The following SBF2 variants were observed in gnomAD, a reference collection of about 807,000 sequenced individuals.
SBF2 encodes myotubularin-related protein 13.
A neutral mutation model predicts 225.2 loss-of-function variants in SBF2; 112 were observed. That is an observed-to-expected ratio of 0.50 (90% CI 0.43 to 0.58). The LOEUF (loss-of-function observed/expected upper bound fraction) is 0.58, where lower values mean the gene tolerates loss of function less well. Ranked by LOEUF, SBF2 falls within the 20% of genes least tolerant of loss-of-function variation. The pLI is 0.00. For synonymous variants in SBF2, 763 were observed against 773.3 expected (o/e 0.99, Z 0.22); for missense variants, 1,996 against 2,206.2 (o/e 0.90, Z 1.91).
At chr11:9,837,681 T>C (rs1208078310) in intron 26 of SBF2, among the ~76,000 whole-genome samples, 1 of 152,212 alleles carries the variant, frequency 6.6e-6, no homozygotes, top group Non-Finnish European at 1.5e-5. Flanking sequence ...ATTTTTTCTA[T>C]CCTTTTACTT....
chr11:9,793,988 G>GC (rs1852925712), intron 33 of SBF2, among the ~76,000 whole-genome samples: 1 of 152,122 alleles, frequency 6.6e-6, no homozygotes, highest in Admixed American at 6.5e-5. Flanking sequence ...CAAAAACTTA[G>GC]CCTGGGCAAG....
chr11:9,967,016 A>C (rs1866956745), intron 14 of SBF2, among the ~76,000 whole-genome samples: 1 of 152,200 alleles, frequency 6.6e-6, no homozygotes, highest in Non-Finnish European at 1.5e-5. Flanking sequence ...AATATCCATC[A>C]ATTGATGGAT....
At chr11:9,873,964 G>A (rs1308884631) in intron 17 of SBF2, among the ~76,000 whole-genome samples, 5 of 151,992 alleles carry the variant, frequency 3.3e-5, no homozygotes, top group South Asian at 2.1e-4. Context: ...CAAGAGAATC[G>A]CTTGAACCCG....
At chr11:9,828,682 G>A in intron 28 of SBF2, 3 of 969,376 alleles carry the variant, frequency 3.1e-6, no homozygotes, top group Non-Finnish European at 3.7e-6. Flanking sequence ...CAAATCCAGT[G>A]AAAACAAATT....
intron 10 of SBF2, 22 bp from the exon 11 acceptor site, chr11:9,993,125 T>C (rs1408182502): frequency 6.5e-7 from 1 of 1,542,982 alleles, no homozygotes; most frequent in African/African-American, 1.4e-5. Flanking sequence ...AGAAGAAATG[T>C]TAGGTAATTT....
At chr11:10,182,793 G>T (rs552615829) in intron 2 of SBF2, among the ~76,000 whole-genome samples, 145 of 147,970 alleles carry the variant, frequency 9.8e-4, no homozygotes, top group Non-Finnish European at 1.6e-3. Flanking sequence ...TTTTTTTTTT[G>T]AGACGGAGTC....
intron 2 of SBF2, among the ~76,000 whole-genome samples, chr11:10,116,662 T>A (rs1953157761): frequency 6.6e-6 from 1 of 152,198 alleles, no homozygotes; most frequent in Non-Finnish European, 1.5e-5. Context: ...ATTGTCTTTT[T>A]TTTTTCCTCC....
intron 35 of SBF2, 47 bp from the exon 36 acceptor site, chr11:9,787,785 G>C: frequency 6.6e-7 from 1 of 1,525,792 alleles, no homozygotes. Context: ...ATAGAAATCA[G>C]GATGGGCCCC....
At chr11:9,941,953 T>G (rs1865275933) in intron 16 of SBF2, among the ~76,000 whole-genome samples, 1 of 152,178 alleles carries the variant, frequency 6.6e-6, no homozygotes, top group African/African-American at 2.4e-5. Context: ...TTTCTATATA[T>G]TTTAAAAAAA....
intron 34 of SBF2, among the ~76,000 whole-genome samples, chr11:9,789,915 T>A (rs1852631949): frequency 6.6e-6 from 1 of 152,234 alleles, no homozygotes; most frequent in African/African-American, 2.4e-5. Flanking sequence ...AGGAGGGGCA[T>A]CTAAGCATGT....
intron 16 of SBF2, among the ~76,000 whole-genome samples, chr11:9,928,523 T>C (rs1002272758): frequency 6.6e-6 from 1 of 152,216 alleles, no homozygotes; most frequent in Non-Finnish European, 1.5e-5. Flanking sequence ...ATAGAGCTGC[T>C]TGAAACACAG....
chr11:10,028,077 T>C (rs970282438), intron 6 of SBF2, among the ~76,000 whole-genome samples: 39 of 152,090 alleles, frequency 2.6e-4, no homozygotes, highest in Non-Finnish European at 4.4e-5. Context: ...GCCCAGCTAA[T>C]GTTTTAAAAT....
intron 6 of SBF2, among the ~76,000 whole-genome samples, chr11:10,019,704 A>G (rs1660464462): frequency 6.6e-6 from 1 of 152,156 alleles, no homozygotes; most frequent in South Asian, 2.1e-4. Flanking sequence ...AGTGAGAATA[A>G]GATTAAAACA....
intron 16 of SBF2, among the ~76,000 whole-genome samples, chr11:9,913,605 T>C (rs1862825209): frequency 6.6e-6 from 1 of 151,934 alleles, no homozygotes; most frequent in Non-Finnish European, 1.5e-5. Flanking sequence ...ATGGCAATGA[T>C]GTTTTTTAAC....
chr11:10,226,744 C>G (rs1156912198), intron 1 of SBF2, among the ~76,000 whole-genome samples: 4 of 152,058 alleles, frequency 2.6e-5, no homozygotes, highest in Non-Finnish European at 5.9e-5. Context: ...GGACATTTGG[C>G]TTGGTTCCAA....
intron 1 of SBF2, among the ~76,000 whole-genome samples, chr11:10,241,883 C>A (rs1409198627): frequency 1.3e-5 from 2 of 152,020 alleles, no homozygotes; most frequent in Admixed American, 6.5e-5. Context: ...CCCACAAGTT[C>A]TCCAATGGGA....
intron 32 of SBF2, 67 bp from the exon 33 acceptor site, chr11:9,796,024 G>A: frequency 1.3e-6 from 2 of 1,509,698 alleles, no homozygotes; most frequent in East Asian, 4.6e-5. Context: ...CCAGGCCACT[G>A]AAGGCTTAAC....
At chr11:10,292,723 A>C (rs951487802) in intron 1 of SBF2, among the ~76,000 whole-genome samples, 1 of 149,114 alleles carries the variant, frequency 6.7e-6, no homozygotes, top group African/African-American at 2.5e-5. Context: ...GGAGGGGGGG[A>C]GGCGGAACAA....
chr11:9,781,465 T>C, intron 39 of SBF2, 42 bp downstream of exon 39: 1 of 1,613,222 alleles, frequency 6.2e-7, no homozygotes, highest in Non-Finnish European at 8.5e-7. Flanking sequence ...GACAGAATGA[T>C]GTGCAGACAG....
Sources: gnomAD v4.1 joint callset for allele counts (sites outside exome capture counted in the v4.1 genomes callset) on GRCh38, gnomAD v4.1.1 for gene constraint, MANE v1.5 for transcripts, NCBI Gene and HGNC (gene_info 2026-07-23, HGNC 2026-07-21) for gene names.